The following DAB1 variants were observed in gnomAD, a reference collection of about 807,000 sequenced individuals.
The protein encoded by DAB1 is disabled homolog 1.
Under a neutral mutation model 64.6 loss-of-function variants are expected in DAB1, and 15 were observed. The observed-to-expected ratio is 0.23, with a 90% confidence interval of 0.16 to 0.36. DAB1 has a LOEUF of 0.36. Among genes scored for constraint, DAB1 ranks in the 10% least tolerant of loss-of-function variants. The probability of loss-of-function intolerance (pLI) is 1.00; values close to 1 mark genes in which losing one functional copy is unlikely to be tolerated. For missense variants in DAB1, 596 were observed against 706.7 expected, an observed-to-expected ratio of 0.84 and a Z score of 1.78; for synonymous variants, 235 against 251.9, an observed-to-expected ratio of 0.93 and a Z score of 0.64.
intron 1 of DAB1, among the ~76,000 whole-genome samples, chr1:57,377,027 T>C (rs1680950747): frequency 6.6e-6 from 1 of 152,168 alleles, no homozygotes; most frequent in African/African-American, 2.4e-5. Context: ...CCCAACACTT[T>C]GGGAGGCCGA....
chr1:58,018,444 T>C (rs1188002), intron 5 of DAB1, among the ~76,000 whole-genome samples: 82,374 of 151,934 alleles, frequency 0.54, 22,968 homozygotes, highest in East Asian at 0.94. Context: ...TGGCTCCCTC[T>C]CCATGCTGTA....
rs560568561 is a variant in DAB1, at chr1:57,127,184, A to C, written c.306+9359T>G. ...AATTAAAATTTAAAATAAATGAGGG[A>C]GATAGAAAAACAATAAGCAGTAGAC... On this transcript the variant is annotated intron_variant, in intron 4 of 14. Transcript: ENST00000371236. Among the ~76,000 whole-genome samples the C allele has an allele frequency of 2.6e-5, 4 of 152,336 alleles. No individual in the cohort carries two copies. The South Asian group carries it at 8.3e-4, about 32-fold the overall frequency.
intron 4 of DAB1, among the ~76,000 whole-genome samples, chr1:57,091,436 C>A (rs147910696): frequency 8.3e-4 from 126 of 152,222 alleles, no homozygotes; most frequent in Middle Eastern, 3.4e-3. Context: ...TTATTTATTT[C>A]ATTCATTATC....
At chr1:58,169,240 G>A (rs1412557386) in intron 4 of DAB1, among the ~76,000 whole-genome samples, 1 of 152,092 alleles carries the variant, frequency 6.6e-6, no homozygotes, top group African/African-American at 2.4e-5. Context: ...CAACTATTCT[G>A]ATCAGCAGGG....
intron 1 of DAB1, among the ~76,000 whole-genome samples, chr1:57,393,724 AT>A (rs1358622376): frequency 1.3e-5 from 2 of 152,050 alleles, no homozygotes; most frequent in East Asian, 3.9e-4. Context: ...CCAAATCTGG[AT>A]GGGCAATTGC....
chr1:58,373,261 C>T (rs539337916), intron 3 of DAB1, among the ~76,000 whole-genome samples: 36 of 146,254 alleles, frequency 2.5e-4, no homozygotes, highest in Non-Finnish European at 3.5e-4. Flanking sequence ...CATGCTGGTG[C>T]GCTGCACCCA....
At chr1:58,517,097 T>C (rs1263589285) in intron 2 of DAB1, among the ~76,000 whole-genome samples, 4 of 152,300 alleles carry the variant, frequency 2.6e-5, no homozygotes, top group South Asian at 4.1e-4. Flanking sequence ...AATAACTCTT[T>C]GATGGAAGTA....
chr1:57,561,611 T>C (rs1570628279), intron 7 of DAB1, among the ~76,000 whole-genome samples: 1 of 152,204 alleles, frequency 6.6e-6, no homozygotes, highest in Non-Finnish European at 1.5e-5. Flanking sequence ...AATAATCAAG[T>C]GGATAGGATG....
chr1:57,883,589 C>T (rs1030347936), intron 1 of DAB1, among the ~76,000 whole-genome samples: 3 of 152,226 alleles, frequency 2.0e-5, no homozygotes, highest in African/African-American at 2.4e-5. Flanking sequence ...AGAAACATTA[C>T]TTTTTAAATT....
intron 1 of DAB1, among the ~76,000 whole-genome samples, chr1:57,844,801 T>C (rs995506293): frequency 6.6e-6 from 1 of 152,222 alleles, no homozygotes; most frequent in East Asian, 1.9e-4. Flanking sequence ...TCAGGCTGTA[T>C]ACATCTAGGA....
intron 3 of DAB1, among the ~76,000 whole-genome samples, chr1:58,483,261 A>G (rs904349357): frequency 1.3e-5 from 2 of 152,172 alleles, no homozygotes; most frequent in Non-Finnish European, 2.9e-5. Flanking sequence ...GCAGGCTCAA[A>G]CATATCTGGG....
intron 3 of DAB1, among the ~76,000 whole-genome samples, chr1:58,451,323 G>A (rs1011649394): frequency 1.3e-5 from 2 of 152,136 alleles, no homozygotes; most frequent in Non-Finnish European, 2.9e-5. Flanking sequence ...GACCTCCTGG[G>A]CTCAAGCGAC....
intron 1 of DAB1, among the ~76,000 whole-genome samples, chr1:57,350,108 C>G (rs1678458366): frequency 6.6e-6 from 1 of 152,206 alleles, no homozygotes; most frequent in South Asian, 2.1e-4. Flanking sequence ...AAAAGTTGCT[C>G]TGATCAACTA....
intron 7 of DAB1, among the ~76,000 whole-genome samples, chr1:57,593,786 T>C (rs921847596): frequency 6.6e-6 from 1 of 152,204 alleles, no homozygotes; most frequent in Non-Finnish European, 1.5e-5. Context: ...AAGGTCAGCT[T>C]TTGCTAAATA....
chr1:57,474,400 T>C (rs1057383841), intron 7 of DAB1, among the ~76,000 whole-genome samples: 2 of 152,170 alleles, frequency 1.3e-5, no homozygotes, highest in African/African-American at 2.4e-5. Context: ...ACCCCATTTA[T>C]GTCTGAAAAA....
chr1:58,287,549 A>G (rs1661716245), intron 4 of DAB1, among the ~76,000 whole-genome samples: 1 of 150,424 alleles, frequency 6.6e-6, no homozygotes, highest in Non-Finnish European at 1.5e-5. Context: ...AGGGTCATCA[A>G]CTAGGCATAT....
intron 1 of DAB1, among the ~76,000 whole-genome samples, chr1:57,294,786 A>G (rs545671): frequency 0.47 from 71,425 of 151,992 alleles, 17,750 homozygotes; most frequent in African/African-American, 0.61. Flanking sequence ...GCACAGCACA[A>G]GGCAAGTTAC....
intron 3 of DAB1, among the ~76,000 whole-genome samples, chr1:58,434,560 T>C (rs572730605): frequency 2.6e-5 from 4 of 152,286 alleles, no homozygotes; most frequent in South Asian, 2.1e-4. Flanking sequence ...GAGTTAAGGA[T>C]ATCTATGAGT....
At chr1:58,465,861 A>G (rs1034805530) in intron 3 of DAB1, among the ~76,000 whole-genome samples, 3 of 152,164 alleles carry the variant, frequency 2.0e-5, no homozygotes, top group African/African-American at 7.2e-5. Context: ...CCCATGGTCA[A>G]TGGCAGAAAT....
Sources: allele counts gnomAD v4.1 joint callset (sites outside exome capture counted in the v4.1 genomes callset), GRCh38; gene constraint gnomAD v4.1.1; transcripts MANE v1.5; gene names NCBI Gene and HGNC (gene_info 2026-07-23, HGNC 2026-07-21).